The following SPART variants were observed in gnomAD, a reference collection of about 807,000 sequenced individuals.
SPART encodes the protein spastic paraplegia 20 (Troyer syndrome).
Under a neutral mutation model 58.7 loss-of-function variants are expected in SPART, and 35 were observed. That is an observed-to-expected ratio of 0.60 (90% CI 0.46 to 0.79). SPART has a LOEUF of 0.79. Among genes scored for constraint, SPART ranks in the 30% least tolerant of loss-of-function variants. The pLI is 0.00. For missense variants in SPART, 730 were observed against 786.1 expected, an observed-to-expected ratio of 0.93 and a Z score of 0.85; for synonymous variants, 284 against 280.7, an observed-to-expected ratio of 1.01 and a Z score of -0.12.
At chr13:36,350,403 G>T (rs1033128466), upstream of SPART, among the ~76,000 whole-genome samples, 1 of 152,094 alleles carries the variant, frequency 6.6e-6, no homozygotes, top group Non-Finnish European at 1.5e-5. Flanking sequence ...TTAATATATC[G>T]ATCAATTCCG....
At chr13:36,316,527 G>A (rs9547241) in intron 5 of SPART, among the ~76,000 whole-genome samples, 53,446 of 151,630 alleles carry the variant, frequency 0.35, 9,960 homozygotes, top group Non-Finnish European at 0.42. Context: ...TCCTTTTCCT[G>A]GCTCATCCTG....
intron 1 of SPART, among the ~76,000 whole-genome samples, chr13:36,338,926 C>T (rs1000541157): frequency 3.9e-5 from 6 of 151,968 alleles, no homozygotes; most frequent in African/African-American, 1.2e-4. Context: ...TAGGTTCCAC[C>T]CATAGAATCT....
chr13:36,314,219 T>C lies in SPART; in HGVS notation c.1483+8A>G. 1 of 1,612,272 alleles carries C rather than the reference T, an allele frequency of 6.2e-7. No homozygotes were observed. The highest frequency in any genetic ancestry group is 8.5e-7 in the Non-Finnish European group (1 of 1,178,486). ...TTTAAAAAGTAAAGTTATCTAGAAT[T>C]ACTTTACCCAGGAACTGACTGACTT... On this transcript the variant is annotated splice_region_variant and intron_variant, in intron 6 of 8. Coordinates refer to ENST00000438666, the MANE Select transcript of SPART (RefSeq NM_015087.5).
chr13:36,312,115 A>G, intron 8 of SPART, 30 bp downstream of exon 8: 1 of 1,586,292 alleles, frequency 6.3e-7, no homozygotes, highest in South Asian at 1.1e-5. Flanking sequence ...CAAAACAGAG[A>G]TTTAGTCATT....
intron 1 of SPART, among the ~76,000 whole-genome samples, chr13:36,341,881 T>A (rs898979257): frequency 2.0e-5 from 3 of 152,110 alleles, no homozygotes; most frequent in African/African-American, 7.2e-5. Context: ...ATATTAACAA[T>A]CTCTTCTCCT....
At chr13:36,357,548 C>G (rs1033294037) in intron 1 of SPART, among the ~76,000 whole-genome samples, 1 of 152,174 alleles carries the variant, frequency 6.6e-6, no homozygotes, top group African/African-American at 2.4e-5. Context: ...TCTGTTTAAA[C>G]ACTGCTTGTC....
chr13:36,364,246 C>T lies in SPART; in HGVS notation c.-3+5843G>A, dbSNP rs185165847. Among the ~76,000 whole-genome samples the T allele has an allele frequency of 4.6e-5, 7 of 152,312 alleles. No individual in the cohort carries two copies. The East Asian group carries it at 1.3e-3, about 29-fold the overall frequency. On this transcript the variant is annotated intron_variant, in intron 1 of 8. Coordinates refer to the SPART transcript ENST00000355182. ...ACCTCTCTTGAGCTCTATACCTCAC[C>T]ATTTCCTGGCCTACTTCTGGACACC...
intron 1 of SPART, among the ~76,000 whole-genome samples, chr13:36,366,491 G>T (rs1886058363): frequency 1.3e-5 from 2 of 152,140 alleles, no homozygotes; most frequent in Non-Finnish European, 2.9e-5. Context: ...TTCTGGTTCA[G>T]CAGTTTCAAT....
At chr13:36,306,889 GT>G (rs1384242877) in intron 8 of SPART, among the ~76,000 whole-genome samples, 3 of 152,148 alleles carry the variant, frequency 2.0e-5, no homozygotes, top group African/African-American at 4.8e-5. Flanking sequence ...ATGTATATGT[GT>G]GAAAGCAGTT....
chr13:36,336,649 A>C (rs1164691842), intron 1 of SPART, among the ~76,000 whole-genome samples: 1 of 152,200 alleles, frequency 6.6e-6, no homozygotes, highest in Non-Finnish European at 1.5e-5. Flanking sequence ...ACTAAAGCTA[A>C]ACACCCACTC....
chr13:36,313,403 G>GT (rs1881329471), intron 6 of SPART, among the ~76,000 whole-genome samples: 2 of 152,142 alleles, frequency 1.3e-5, no homozygotes, highest in Admixed American at 1.3e-4. Context: ...CAATTACTTT[G>GT]TTTTTAAAAT....
chr13:36,336,847 T>C (rs1250574334), intron 1 of SPART, among the ~76,000 whole-genome samples: 1 of 152,228 alleles, frequency 6.6e-6, no homozygotes, highest in Non-Finnish European at 1.5e-5. Context: ...CCTGATTGCC[T>C]GCAACATCAA....
At chr13:36,363,595 T>C (rs1367248975) in intron 1 of SPART, among the ~76,000 whole-genome samples, 1 of 152,130 alleles carries the variant, frequency 6.6e-6, no homozygotes, top group Non-Finnish European at 1.5e-5. Context: ...ATGCAGTTGG[T>C]CACATTCTTG....
At chr13:36,369,312 TGTTAGTCTTAC>T in intron 1 of SPART, among the ~76,000 whole-genome samples, 1 of 152,310 alleles carries the variant, frequency 6.6e-6, no homozygotes, top group Non-Finnish European at 1.5e-5. Context: ...ATAACTGATA[TGTTAGTCTTAC>T]ACTCTTCATA....
intron 1 of SPART, among the ~76,000 whole-genome samples, chr13:36,360,156 A>G (rs1340980993): frequency 1.3e-5 from 2 of 151,722 alleles, no homozygotes; most frequent in Non-Finnish European, 1.5e-5. Context: ...TTAGCCAGGC[A>G]TGGTGGCACA....
chr13:36,347,961 T>C (rs1241886920), upstream of SPART, among the ~76,000 whole-genome samples: 1 of 152,196 alleles, frequency 6.6e-6, no homozygotes, highest in Non-Finnish European at 1.5e-5. Flanking sequence ...CCGTTCCATA[T>C]TGTGAAATTG....
intron 5 of SPART, among the ~76,000 whole-genome samples, chr13:36,325,093 C>T (rs7998522): frequency 2.6e-4 from 40 of 151,992 alleles, no homozygotes; most frequent in African/African-American, 3.9e-4. Context: ...CAAGTCACCG[C>T]GGATGTGATG....
At chr13:36,330,536 C>A (rs1246411250) in intron 3 of SPART, among the ~76,000 whole-genome samples, 1 of 152,040 alleles carries the variant, frequency 6.6e-6, no homozygotes, top group African/African-American at 2.4e-5. Flanking sequence ...ATAATGAATT[C>A]CAAGTATCTG....
intron 5 of SPART, among the ~76,000 whole-genome samples, chr13:36,320,282 G>A (rs1012133796): frequency 2.0e-5 from 3 of 151,990 alleles, no homozygotes; most frequent in African/African-American, 4.8e-5. Flanking sequence ...CGTTGTTCCT[G>A]GCCCAGACTC....
Sources: allele counts gnomAD v4.1 joint callset (sites outside exome capture counted in the v4.1 genomes callset), GRCh38; gene constraint gnomAD v4.1.1; transcripts MANE v1.5; gene names NCBI Gene and HGNC (gene_info 2026-07-23, HGNC 2026-07-21).